EPG5: variants seen among roughly 807,000 people sequenced by gnomAD.
EPG5 encodes the protein ectopic P granules protein 5 homolog.
EPG5 carries 159 observed loss-of-function variants against 302.7 expected under a neutral mutation model. The ratio of observed to expected loss-of-function variants is 0.53; its 90% confidence interval spans 0.46 to 0.60. The LOEUF is 0.60. Ranked by LOEUF, EPG5 falls within the 20% of genes least tolerant of loss-of-function variation. EPG5 has a pLI of 0.00. For synonymous variants in EPG5, 1,158 were observed against 1,136.8 expected (o/e 1.02, Z -0.37); for missense variants, 2,896 against 3,092.4 (o/e 0.94, Z 1.51).
the EPG5 span, chr18:45,839,129 G>A: frequency 1.5e-6 from 2 of 1,358,854 alleles, no homozygotes; most frequent in Non-Finnish European, 9.4e-7. Flanking sequence ...GGCCGCGAGG[G>A]GCCGGGCCGG....
At chr18:45,840,147 T>TGGGCGC in the EPG5 span, 2 of 1,583,776 alleles carry the variant, frequency 1.3e-6, no homozygotes, top group Admixed American at 3.5e-5. Flanking sequence ...TGGGTGGGGG[T>TGGGCGC]GGGCGCACAG....
At chr18:45,911,110 C>CACACACACACATAT (rs1491456763) in intron 22 of EPG5, among the ~76,000 whole-genome samples, 1 of 127,970 alleles carries the variant, frequency 7.8e-6, no homozygotes, top group African/African-American at 3.0e-5. Flanking sequence ...CACACACACA[C>CACACACACACATAT]ATATATATAT....
chr18:45,944,233 T>A lies in EPG5; in HGVS notation c.1678-114A>T, dbSNP rs2145913886. The A allele has an allele frequency of 3.1e-5, 20 of 646,536 alleles. No homozygotes were observed. In the South Asian group the frequency reaches 3.3e-4, roughly 11 times the overall value. The allele number at this position is 646,536 out of a possible 1,614,324, so 40.0% of individuals were successfully genotyped here. A position where few individuals can be genotyped will look rare whatever the true frequency, so the allele number is the denominator to read the frequency against. ...CAATGGTATACATGTGATATCCTCATGAGTCTTCATGGACCTTTTCTCCAG... is the reference window on the plus strand; with the variant it reads ...CAATGGTATACATGTGATATCCTCAAGAGTCTTCATGGACCTTTTCTCCAG... On this transcript the variant is annotated intron_variant, in intron 7 of 43. Coordinates refer to ENST00000282041, the MANE Select transcript of EPG5 (RefSeq NM_020964.3).
At chr18:45,866,583 T>C (rs1247271684) in intron 38 of EPG5, among the ~76,000 whole-genome samples, 1 of 152,186 alleles carries the variant, frequency 6.6e-6, no homozygotes, top group Non-Finnish European at 1.5e-5. Flanking sequence ...CTTTTGACCT[T>C]TCATCGACAT....
intron 9 of EPG5, 23 bp from the exon 10 acceptor site, chr18:45,939,778 C>T (rs749773089): frequency 1.2e-6 from 2 of 1,601,478 alleles, no homozygotes; most frequent in African/African-American, 1.3e-5. Context: ...AAAGATAATA[C>T]AGTACTTTTC....
In EPG5 at chr18:45,882,303, T is replaced by C. The variant is rs748332643; in HGVS notation, c.5489A>G (p.Tyr1830Cys). ...CATAAGCAGCCTGAGAATGTCACTG[T>C]ACTGGTCAGGAAACTGGTAGAGAAG... ...YLLLYQFPDQYSDILRLLMQS... is the reference protein window; with the variant it reads ...YLLLYQFPDQCSDILRLLMQS... Residue 1830 changes from tyrosine (Y) to cysteine (C), a missense_variant, in exon 31 of 44, where the codon TAC becomes TGC. Tyr to Cys is a radical substitution (Grantham distance 194, BLOSUM62 -2). Around this residue, in one of 5 missense-constraint regions of EPG5, gnomAD observed 790 missense variants for 798.0 expected, o/e 0.99. Transcript: ENST00000282041. 1.9e-6 allele frequency: 3 copies of C among 1,614,178 alleles called. No individual in the cohort carries two copies. The highest frequency in any genetic ancestry group is 1.7e-6 in the Non-Finnish European group (2 of 1,180,006).
chr18:45,934,921 C>T lies in EPG5; in HGVS notation c.2145G>A (p.Leu715=), dbSNP rs758711526. The stretch of plus-strand genomic sequence containing the variant: ...AGAGCTTCCACAGCATTTGCACAGA[C>T]AGAGTCCCAAAGGGCATCTCGGACA... ...LFMSEMPFGT[L]SVQMLWKLFY... is the part of the protein sequence containing the mutation. The change falls in exon 11 of 44, where the codon CTG becomes CTA. Residue 715 remains leucine, a synonymous_variant. Coordinates refer to ENST00000282041, the MANE Select transcript of EPG5 (RefSeq NM_020964.3). The T allele has an allele frequency of 1.2e-6, 2 of 1,613,982 alleles. No individual in the cohort carries two copies. The highest frequency in any genetic ancestry group is 3.3e-4 in the Middle Eastern group (2 of 6,084).
intron 1 of EPG5, among the ~76,000 whole-genome samples, chr18:45,960,355 G>A (rs920263484): frequency 6.6e-6 from 1 of 152,152 alleles, no homozygotes; most frequent in African/African-American, 2.4e-5. Context: ...GCATACTGCA[G>A]ACCTGAACTC....
rs147353575 is a variant in EPG5, at chr18:45,957,203, A to C, written c.64-1865T>G. On this transcript the variant is annotated intron_variant, in intron 1 of 43. Coordinates refer to ENST00000282041, the MANE Select transcript of EPG5 (RefSeq NM_020964.3). ...ATATATTAAAAAGAAAAAAAAGATG[A>C]ATATTTTTGACATGGAATTTGAGGT... Among the ~76,000 whole-genome samples the C allele has an allele frequency of 5.2e-3, 796 of 152,274 alleles. 6 individuals are homozygous for C. The highest frequency in any genetic ancestry group is 0.018 in the African/African-American group (741 of 41,560).
chr18:45,868,424 G>A (rs554057295), intron 36 of EPG5, among the ~76,000 whole-genome samples: 1 of 149,118 alleles, frequency 6.7e-6, no homozygotes, highest in East Asian at 2.0e-4. Flanking sequence ...CGCAACCTCC[G>A]CCTCCTGGCT....
chr18:45,864,680 G>A (rs1394093606), intron 39 of EPG5, among the ~76,000 whole-genome samples: 1 of 152,130 alleles, frequency 6.6e-6, no homozygotes, highest in African/African-American at 2.4e-5. Flanking sequence ...AGCTATGGTT[G>A]CTTTTTGCCA....
At chr18:45,909,102 C>T (rs1340193898) in intron 23 of EPG5, among the ~76,000 whole-genome samples, 2 of 152,088 alleles carry the variant, frequency 1.3e-5, no homozygotes, top group Non-Finnish European at 2.9e-5. Context: ...GATGGTCTGG[C>T]CTGACTTTAC....
chr18:45,818,265 T>TG, the EPG5 span, among the ~76,000 whole-genome samples: 2 of 151,652 alleles, frequency 1.3e-5, no homozygotes, highest in African/African-American at 4.9e-5. Context: ...TATTTTTTTT[T>TG]TTTGTTTTCC....
chr18:45,927,230 G>A (rs567329645), intron 13 of EPG5, among the ~76,000 whole-genome samples: 1 of 151,868 alleles, frequency 6.6e-6, no homozygotes, highest in South Asian at 2.1e-4. Flanking sequence ...TAGTAGAGAC[G>A]GGATTTCACC....
chr18:45,922,571 A>G lies in EPG5; in HGVS notation c.2868T>C (p.Tyr956=), dbSNP rs762448921. The change falls in exon 16 of 44, where the codon TAT becomes TAC. Residue 956 remains tyrosine (Y), a synonymous_variant. Transcript: ENST00000282041. ...QVSYLASIVR[Y]GETPETSFNQ... ...TAAATGAGGTCTCGGGTGTCTCTCC[A>G]TATCGAACAATACTGGCCAAATATG... is the stretch of plus-strand genomic sequence containing the variant. 11 of 1,614,242 alleles carry G rather than the reference A, an allele frequency of 6.8e-6. No individual in the cohort carries two copies. The highest frequency in any genetic ancestry group is 1.6e-4 in the Middle Eastern group (1 of 6,062).
intron 26 of EPG5, among the ~76,000 whole-genome samples, chr18:45,900,404 CAA>C (rs375366452): frequency 1.2e-4 from 13 of 111,944 alleles, no homozygotes; most frequent in Admixed American, 2.9e-4. Context: ...GACTCTGTCT[CAA>C]AAAAAAAAAA....
rs1423852376 is a variant in EPG5 at position 45,901,136 on chromosome 18, C to G, written c.4506G>C (p.Lys1502Asn). 1.2e-6 allele frequency: 2 copies of G among 1,614,052 alleles called. No individual in the cohort carries two copies. The highest frequency in any genetic ancestry group is 2.7e-5 in the African/African-American group (2 of 74,934). Reference sequence around the variant, plus strand: ...CAAGGGGAGGCTGGGGAGCCTCATGCTTCCGCAAGTTACTTAAAACCCTTT... The same window carrying G: ...CAAGGGGAGGCTGGGGAGCCTCATGGTTCCGCAAGTTACTTAAAACCCTTT... ...AKERVLSNLRKHEAPQPPLAL... is the reference protein window; with the variant it reads ...AKERVLSNLRNHEAPQPPLAL... Residue 1502 changes from lysine to asparagine, a missense_variant, in exon 26 of 44, where the codon AAG (lysine) becomes AAC (asparagine). Lys to Asn is a moderately conservative substitution (Grantham distance 94). Transcript: ENST00000282041.
At chr18:45,837,442 G>A in the EPG5 span, 12 of 1,412,600 alleles carry the variant, frequency 8.5e-6, no homozygotes, top group Non-Finnish European at 1.0e-5. Flanking sequence ...GGGTCGTGGG[G>A]TTTCCAGGCC....
In EPG5 at chr18:45,952,426, G is replaced by A; in HGVS notation, c.1226C>T (p.Ser409Phe). ...ALLSSSAVLR[S>F]SAIHQQGRAS... ...TCGGCCTTGCTGGTGAATTGCTGAAGATCTCAGAACAGCTGAACTACTGAG... is the reference window on the plus strand; with the variant it reads ...TCGGCCTTGCTGGTGAATTGCTGAAAATCTCAGAACAGCTGAACTACTGAG... Residue 409 changes from serine to phenylalanine, a missense_variant, in exon 3 of 44, where the codon TCT becomes TTT. Physicochemically the swap from Ser to Phe is radical, Grantham distance 155 (BLOSUM62 -2). Transcript: ENST00000282041. The A allele has an allele frequency of 1.9e-6, 3 of 1,614,066 alleles. No homozygotes were observed. Among genetic ancestry groups the A allele is most frequent in the Non-Finnish European group, 2.5e-6 (3 of 1,179,992 alleles).
Sources: allele counts gnomAD v4.1 joint callset (sites outside exome capture counted in the v4.1 genomes callset), GRCh38; gene constraint gnomAD v4.1.1; regional missense constraint gnomAD v4.1.1; transcripts MANE v1.5; gene names NCBI Gene and HGNC (gene_info 2026-07-23, HGNC 2026-07-21).